The following PDXDC1 variants were observed in gnomAD, a reference collection of about 807,000 sequenced individuals.
PDXDC1 encodes pyridoxal-dependent decarboxylase domain-containing protein 1.
In PDXDC1, 42 loss-of-function variants were observed where a neutral mutation model predicts 100.1. That is an observed-to-expected ratio of 0.42 (90% CI 0.33 to 0.54). The LOEUF is 0.54. Ranked by LOEUF, PDXDC1 falls within the 20% of genes least tolerant of loss-of-function variation. PDXDC1 has a pLI of 0.10. For synonymous variants in PDXDC1, 260 were observed against 371.7 expected, an observed-to-expected ratio of 0.70 and a Z score of 3.46; for missense variants, 636 against 979.2, an observed-to-expected ratio of 0.65 and a Z score of 4.68.
At chr16:15,131,355 A>C (rs1329373090) in intron 16 of PDXDC1, 1 of 1,571,344 alleles carries the variant, frequency 6.4e-7, no homozygotes, top group African/African-American at 1.3e-5. Flanking sequence ...AGTTGCTGAT[A>C]TAGCCAAAGG....
intron 16 of PDXDC1, chr16:15,137,950 AC>A: frequency 1.2e-6 from 1 of 820,010 alleles, no homozygotes; most frequent in Non-Finnish European, 2.0e-6. Flanking sequence ...GGTGTTGGGG[AC>A]CAGGTCTGGT....
intron 12 of PDXDC1, among the ~76,000 whole-genome samples, chr16:15,020,125 A>G (rs2042077100): frequency 6.6e-6 from 1 of 151,850 alleles, no homozygotes; most frequent in Non-Finnish European, 1.5e-5. Flanking sequence ...AAAAAAAAAA[A>G]AAAAAAAAAA....
chr16:15,102,281 C>T (rs921277725), intron 16 of PDXDC1, among the ~76,000 whole-genome samples: 4 of 151,908 alleles, frequency 2.6e-5, no homozygotes, highest in African/African-American at 7.3e-5. Flanking sequence ...TGGGTGTCAC[C>T]GCACCTGGCC....
At chr16:15,142,754 C>T (rs538277597), downstream of PDXDC1, among the ~76,000 whole-genome samples, 1 of 152,138 alleles carries the variant, frequency 6.6e-6, no homozygotes, top group East Asian at 1.9e-4. Context: ...CACCCCGCCC[C>T]TCGGGCTTCC....
At chr16:15,027,480 A>C (rs1467247564) in intron 14 of PDXDC1, among the ~76,000 whole-genome samples, 1 of 152,276 alleles carries the variant, frequency 6.6e-6, no homozygotes, top group African/African-American at 2.4e-5. Flanking sequence ...GGACAGAGGG[A>C]TTAATGTATC....
At chr16:15,086,530 A>G in intron 16 of PDXDC1, 1 of 1,584,334 alleles carries the variant, frequency 6.3e-7, no homozygotes. Flanking sequence ...TCTTATATCA[A>G]TCATTTATCA....
intron 8 of PDXDC1, among the ~76,000 whole-genome samples, chr16:15,014,929 T>C (rs1164447456): frequency 1.3e-5 from 2 of 148,850 alleles, no homozygotes; most frequent in South Asian, 2.1e-4. Flanking sequence ...AACAAATTCA[T>C]CTATATGTTT....
intron 16 of PDXDC1, among the ~76,000 whole-genome samples, chr16:15,117,697 TGAGAA>T (rs2047286900): frequency 3.2e-5 from 2 of 62,892 alleles, no homozygotes; most frequent in African/African-American, 6.7e-5. Context: ...GTCTTGGGGG[TGAGAA>T]AAGAAAAAAA....
chr16:15,122,713 C>T (rs2032459400), intron 16 of PDXDC1, among the ~76,000 whole-genome samples: 1 of 149,790 alleles, frequency 6.7e-6, no homozygotes, highest in African/African-American at 2.5e-5. Context: ...ACCGCACCCG[C>T]ATGTCCTGGT....
At chr16:15,150,178 A>G in the PDXDC1 span, among the ~76,000 whole-genome samples, 1 of 151,700 alleles carries the variant, frequency 6.6e-6, no homozygotes, top group Non-Finnish European at 1.5e-5. Flanking sequence ...CCCCGTCTCT[A>G]CTAAAAATAC....
chr16:15,032,859 AG>A lies in PDXDC1; in HGVS notation c.1572del. The A allele has an allele frequency of 6.7e-7, 1 of 1,498,814 alleles. No homozygotes were observed. Among genetic ancestry groups the A allele is most frequent in the Non-Finnish European group, 9.3e-7 (1 of 1,074,814 alleles). 92.8% of individuals were successfully genotyped at this position (1,498,814 alleles called of 1,614,324 possible). A position where few individuals can be genotyped will look rare whatever the true frequency, so the allele number is the denominator to read the frequency against. Reference sequence around the variant, plus strand: ...AAATGCTGTGGTTTGATGTTGTTTTAGGTATGAACATGCTAATGATGATAAG... The same window carrying A: ...AAATGCTGTGGTTTGATGTTGTTTTAGTATGAACATGCTAATGATGATAAG... On this transcript the variant is annotated splice_acceptor_variant, in intron 17 of 22. Transcript: ENST00000396410. LOFTEE classifies it high-confidence loss of function.
In PDXDC1 at chr16:15,130,350, A is replaced by T. The variant is rs1304580629; in HGVS notation, c.1400-8529A>T. On this transcript the variant is annotated intron_variant, in intron 16 of 16. Coordinates refer to the PDXDC1 transcript ENST00000535621. ...CCGCCACACCACGTCCTCCTCGCTG[A>T]AGTACTGGCACAGGGACGTGTACAG... 2.6e-6 allele frequency: 4 copies of T among 1,558,968 alleles called. No individual in the cohort carries two copies. The African/African-American group carries it at 5.5e-5, about 21-fold the overall frequency.
chr16:15,085,627 T>C (rs768693885), intron 16 of PDXDC1: 19 of 1,611,682 alleles, frequency 1.2e-5, no homozygotes, highest in East Asian at 2.2e-5. Context: ...CTTTAAACCT[T>C]TTTATACTTA....
chr16:15,011,682 G>A (rs1336860110), intron 8 of PDXDC1, among the ~76,000 whole-genome samples: 3 of 34,582 alleles, frequency 8.7e-5, no homozygotes, highest in African/African-American at 3.1e-4. Context: ...TTATGTTTTT[G>A]AGATGGAGTT....
At chr16:15,013,568 T>C (rs1411526634) in intron 8 of PDXDC1, among the ~76,000 whole-genome samples, 1 of 152,260 alleles carries the variant, frequency 6.6e-6, no homozygotes, top group Non-Finnish European at 1.5e-5. Context: ...TGAGTGAGTT[T>C]TGTTGCATGT....
At chr16:15,127,888 G>A (rs1302048183) in intron 16 of PDXDC1, 2 of 1,542,562 alleles carry the variant, frequency 1.3e-6, no homozygotes, top group South Asian at 1.2e-5. Flanking sequence ...GCGCAACAGG[G>A]CTGCGTGACC....
At chr16:15,061,977 A>T in intron 16 of PDXDC1, 1 of 1,438,504 alleles carries the variant, frequency 7.0e-7, no homozygotes, top group Non-Finnish European at 9.6e-7. Flanking sequence ...TTCCTTCCTC[A>T]GGAAGGTGTT....
chr16:15,041,493 G>C, downstream of PDXDC1: 1 of 761,840 alleles, frequency 1.3e-6, no homozygotes, highest in East Asian at 2.5e-5. Context: ...TCCCACCACA[G>C]GAAGAGCCGG....
chr16:15,094,819 C>T (rs2046295957), intron 16 of PDXDC1: 2 of 152,782 alleles, frequency 1.3e-5, no homozygotes, highest in African/African-American at 4.8e-5. Flanking sequence ...GAGGTGTTAC[C>T]CCCTTGACTT....
Sources: gnomAD v4.1 joint callset for allele counts (sites outside exome capture counted in the v4.1 genomes callset) on GRCh38, gnomAD v4.1.1 for gene constraint, MANE v1.5 for transcripts, NCBI Gene and HGNC (gene_info 2026-07-23, HGNC 2026-07-21) for gene names.